Variants in WLS observed in about 807,000 individuals in gnomAD.
WLS encodes protein wntless homolog.
A neutral mutation model predicts 62.8 loss-of-function variants in WLS; 23 were observed. That is an observed-to-expected ratio of 0.37 (90% CI 0.26 to 0.52). The LOEUF is 0.52. Ranked by LOEUF, WLS falls within the 20% of genes least tolerant of loss-of-function variation. The pLI, the probability that WLS is intolerant of heterozygous loss-of-function variation, is 0.92. For missense variants in WLS, 615 were observed against 697.3 expected (o/e 0.88, Z 1.33); for synonymous variants, 246 against 244.1 (o/e 1.01, Z -0.07).
chr1:68,222,088 T>C (rs1649965441), intron 1 of WLS, among the ~76,000 whole-genome samples: 1 of 152,126 alleles, frequency 6.6e-6, no homozygotes, highest in Non-Finnish European at 1.5e-5. Context: ...GCCACAAACA[T>C]CCTCCGAAAG....
At chr1:68,206,779 T>C (rs1046578733) in intron 1 of WLS, among the ~76,000 whole-genome samples, 4 of 152,208 alleles carry the variant, frequency 2.6e-5, no homozygotes, top group African/African-American at 9.7e-5. Context: ...ATTTAAACTG[T>C]TAAGCACTTT....
intron 1 of WLS, among the ~76,000 whole-genome samples, chr1:68,200,737 C>T (rs376619341): frequency 7.9e-5 from 12 of 152,232 alleles, no homozygotes; most frequent in Admixed American, 3.9e-4. Flanking sequence ...TAGAGAAAAC[C>T]TCCATTGCAC....
chr1:68,177,662 T>G (rs1371951799), intron 2 of WLS, among the ~76,000 whole-genome samples: 2 of 152,006 alleles, frequency 1.3e-5, no homozygotes, highest in African/African-American at 4.8e-5. Context: ...TCCTGATAAT[T>G]TTTGTATTTT....
chr1:68,221,065 C>T (rs139393247), intron 1 of WLS, among the ~76,000 whole-genome samples: 2 of 152,210 alleles, frequency 1.3e-5, no homozygotes, highest in African/African-American at 2.4e-5. Flanking sequence ...GACCTTAGTG[C>T]CCTTTCAGTT....
At chr1:68,164,791 C>G (rs1423841573) in intron 2 of WLS, among the ~76,000 whole-genome samples, 3 of 152,132 alleles carry the variant, frequency 2.0e-5, no homozygotes, top group Non-Finnish European at 4.4e-5. Flanking sequence ...TCAGTTCTCC[C>G]ACATCTTCCC....
chr1:68,230,568 C>G (rs1457021968), intron 1 of WLS, among the ~76,000 whole-genome samples: 1 of 127,742 alleles, frequency 7.8e-6, no homozygotes, highest in Non-Finnish European at 1.7e-5. Flanking sequence ...CAAAAGCCAA[C>G]CCGTGTGTGT....
rs115715057 is a variant in WLS at position 68,098,902 on chromosome 1, G to A, written c.1511-149C>T. On this transcript the variant is annotated intron_variant, in intron 11 of 11. Coordinates refer to the WLS transcript ENST00000354777. ...GTGTTTGAAATTTGTTTAGGACTGTGTCCTTCATTGTGGGACATTTGCAGA... is the reference window on the plus strand; with the variant it reads ...GTGTTTGAAATTTGTTTAGGACTGTATCCTTCATTGTGGGACATTTGCAGA... The A allele has an allele frequency of 4.1e-5, 50 of 1,206,412 alleles. 1 individual carries two copies. The African/African-American group carries it at 5.8e-4, about 14-fold the overall frequency. 74.7% of individuals were successfully genotyped at this position (1,206,412 alleles called of 1,614,324 possible).
intron 2 of WLS, among the ~76,000 whole-genome samples, chr1:68,171,422 C>A (rs1179511171): frequency 1.3e-5 from 2 of 151,644 alleles, no homozygotes; most frequent in Admixed American, 1.3e-4. Flanking sequence ...ATCCATCTGG[C>A]AAAGGGCTAA....
chr1:68,102,752 C>T (rs980121120), intron 11 of WLS: 14 of 152,192 alleles, frequency 9.2e-5, no homozygotes, highest in Non-Finnish European at 1.9e-4. Flanking sequence ...ATCATATGCC[C>T]CTCTTGCCAG....
At chr1:68,159,742 C>G (rs560630456) in intron 2 of WLS, among the ~76,000 whole-genome samples, 1 of 152,362 alleles carries the variant, frequency 6.6e-6, no homozygotes, top group African/African-American at 2.4e-5. Context: ...TGGTCACACT[C>G]TGTCTGAAAA....
At chr1:68,134,484 C>T (rs1646576345) in intron 11 of WLS, among the ~76,000 whole-genome samples, 1 of 152,142 alleles carries the variant, frequency 6.6e-6, no homozygotes, top group African/African-American at 2.4e-5. Flanking sequence ...ATATGGTCCC[C>T]AAATAGTTTG....
Position 68,150,280 on chromosome 1 carries a change from T to C in WLS, c.880A>G (p.Thr294Ala). The C allele has an allele frequency of 3.7e-6, 6 of 1,614,114 alleles. No homozygotes were observed. The highest frequency in any genetic ancestry group is 5.1e-6 in the Non-Finnish European group (6 of 1,180,010). The change falls in exon 6 of 12, where the codon ACC (threonine) becomes GCC (alanine). Residue 294 changes from threonine to alanine, a missense_variant. Transcript: ENST00000262348. Reference sequence around the variant, plus strand: ...ATGTCACCAAACAGCAGCATCCAGGTCCAGTCAAACCCGATGGAAAACCAT... The same window carrying C: ...ATGTCACCAAACAGCAGCATCCAGGCCCAGTCAAACCCGATGGAAAACCAT... Reference protein sequence around the residue: ...VEWFSIGFDWTWMLLFGDIRQ... With the variant: ...VEWFSIGFDWAWMLLFGDIRQ...
At chr1:68,098,651 T>C (rs1482520533) in exon 12 of WLS, 2 of 1,613,818 alleles carry the variant, frequency 1.2e-6, no homozygotes, top group African/African-American at 1.3e-5. Flanking sequence ...AGAAGCTGCG[T>C]TGTCATTGAT....
At chr1:68,210,539 G>C (rs1316247116) in intron 1 of WLS, among the ~76,000 whole-genome samples, 3 of 152,200 alleles carry the variant, frequency 2.0e-5, no homozygotes, top group Non-Finnish European at 4.4e-5. Context: ...AAGCTGTCTA[G>C]AGAGCAATAG....
At chr1:68,111,139 T>C (rs865822391) in intron 11 of WLS, among the ~76,000 whole-genome samples, 2 of 152,328 alleles carry the variant, frequency 1.3e-5, no homozygotes, top group Middle Eastern at 6.8e-3. Context: ...TCCTGAATAG[T>C]AGGAAGTAAA....
intron 11 of WLS, among the ~76,000 whole-genome samples, chr1:68,132,757 C>A (rs1570855651): frequency 1.3e-5 from 2 of 152,156 alleles, no homozygotes; most frequent in African/African-American, 2.4e-5. Context: ...AACATTCTGA[C>A]AAGAATTTTA....
chr1:68,218,697 C>G (rs1213245528), intron 1 of WLS, among the ~76,000 whole-genome samples: 1 of 152,182 alleles, frequency 6.6e-6, no homozygotes. Flanking sequence ...GGCCTCCGTT[C>G]CTCTTTGCCT....
intron 11 of WLS, among the ~76,000 whole-genome samples, chr1:68,110,160 T>A (rs1489493304): frequency 6.6e-6 from 1 of 151,764 alleles, no homozygotes; most frequent in African/African-American, 2.4e-5. Flanking sequence ...GGTATAAATA[T>A]GTATGAACAA....
chr1:68,153,718 A>G, intron 4 of WLS, 65 bp from the exon 5 acceptor site: 1 of 1,605,570 alleles, frequency 6.2e-7, no homozygotes, highest in South Asian at 1.1e-5. Flanking sequence ...CTACTAGCAA[A>G]TGCTTTTGTG....
Sources: allele counts gnomAD v4.1 joint callset (sites outside exome capture counted in the v4.1 genomes callset), GRCh38; gene constraint gnomAD v4.1.1; transcripts MANE v1.5; gene names NCBI Gene and HGNC (gene_info 2026-07-23, HGNC 2026-07-21).